ANKRD44: variants seen among roughly 807,000 people sequenced by gnomAD.
ANKRD44 encodes ankyrin repeat domain 44, also known as serine/threonine-protein phosphatase 6 regulatory ankyrin repeat subunit B.
In ANKRD44, 35 loss-of-function variants were observed where a neutral mutation model predicts 116.0. That is an observed-to-expected ratio of 0.30 (90% CI 0.23 to 0.40). ANKRD44 has a LOEUF of 0.40. Ranked by LOEUF, ANKRD44 falls within the 10% of genes least tolerant of loss-of-function variation. The pLI is 1.00. For synonymous variants in ANKRD44, 435 were observed against 461.8 expected, an observed-to-expected ratio of 0.94 and a Z score of 0.74; for missense variants, 1,014 against 1,242.6, an observed-to-expected ratio of 0.82 and a Z score of 2.77.
chr2:197,248,206 T>C (rs2082234018), intron 1 of ANKRD44, among the ~76,000 whole-genome samples: 1 of 152,190 alleles, frequency 6.6e-6, no homozygotes, highest in African/African-American at 2.4e-5. Flanking sequence ...TAAGATTAAA[T>C]TTAAATGAAT....
chr2:197,237,349 C>T (rs1156833583), intron 1 of ANKRD44, among the ~76,000 whole-genome samples: 1 of 152,238 alleles, frequency 6.6e-6, no homozygotes, highest in Non-Finnish European at 1.5e-5. Flanking sequence ...TTTCCTGCCT[C>T]TGCTGTTTTT....
At chr2:197,261,557 TAAAA>T (rs3057784) in intron 1 of ANKRD44, among the ~76,000 whole-genome samples, 14 of 150,268 alleles carry the variant, frequency 9.3e-5, no homozygotes, top group East Asian at 3.9e-4. Context: ...AATCTTTTCT[TAAAA>T]AAAAAAAATG....
At chr2:197,283,420 T>C (rs2083320550) in intron 1 of ANKRD44, among the ~76,000 whole-genome samples, 1 of 152,232 alleles carries the variant, frequency 6.6e-6, no homozygotes, top group African/African-American at 2.4e-5. Flanking sequence ...TAATACCTGC[T>C]CTACTGAAAT....
chr2:197,054,386 G>GA (rs35682810), intron 16 of ANKRD44, among the ~76,000 whole-genome samples: 1 of 151,218 alleles, frequency 6.6e-6, no homozygotes, highest in African/African-American at 2.4e-5. Context: ...CAACTTCCAA[G>GA]AAAAAAAAAA....
intron 17 of ANKRD44, among the ~76,000 whole-genome samples, chr2:197,020,817 ACT>A (rs2076482873): frequency 1.4e-5 from 2 of 140,846 alleles, no homozygotes; most frequent in African/African-American, 6.5e-5. Context: ...TTATTATTAT[ACT>A]TTAAGTTCTA....
chr2:197,035,699 A>G (rs556801226), intron 16 of ANKRD44, among the ~76,000 whole-genome samples: 111 of 152,030 alleles, frequency 7.3e-4, no homozygotes, highest in African/African-American at 2.6e-3. Context: ...TCTATGCTGA[A>G]GAATGAAAAG....
intron 25 of ANKRD44, among the ~76,000 whole-genome samples, chr2:196,997,405 T>C (rs1182738061): frequency 6.7e-6 from 1 of 149,560 alleles, no homozygotes; most frequent in Non-Finnish European, 1.5e-5. Flanking sequence ...ATCATATATA[T>C]GATATAAAAG....
At chr2:197,000,760 G>A (rs1209326308) in intron 22 of ANKRD44, among the ~76,000 whole-genome samples, 1 of 152,202 alleles carries the variant, frequency 6.6e-6, no homozygotes, top group Admixed American at 6.5e-5. Flanking sequence ...AAGTGGAATA[G>A]ACATGCTTCC....
chr2:197,123,216 AAC>A (rs1195600113), intron 6 of ANKRD44, among the ~76,000 whole-genome samples: 1 of 152,238 alleles, frequency 6.6e-6, no homozygotes, highest in Non-Finnish European at 1.5e-5. Context: ...AAGAAAAAAA[AAC>A]AATTAATGAG....
At chr2:197,053,401 AAAC>A in intron 16 of ANKRD44, among the ~76,000 whole-genome samples, 1 of 152,308 alleles carries the variant, frequency 6.6e-6, no homozygotes, top group South Asian at 2.1e-4. Flanking sequence ...TATAATCAGA[AAAC>A]AACCTGAAAT....
chr2:196,981,759 A>G (rs2075802503), downstream of ANKRD44, among the ~76,000 whole-genome samples: 1 of 152,138 alleles, frequency 6.6e-6, no homozygotes, highest in African/African-American at 2.4e-5. Flanking sequence ...AGCCTGGGCA[A>G]CAAGAGTGAA....
intron 16 of ANKRD44, among the ~76,000 whole-genome samples, chr2:197,046,329 C>T (rs997511178): frequency 2.0e-5 from 3 of 152,094 alleles, no homozygotes; most frequent in East Asian, 1.9e-4. Context: ...GATTCGTAAT[C>T]GGCAAAATCT....
rs562520880 is a variant in ANKRD44, at chr2:197,253,341, T to C, written c.27+57237A>G. 3.9e-5 allele frequency among the ~76,000 whole-genome samples: 6 copies of C among 152,338 alleles called. No homozygotes were observed. The South Asian group carries it at 1.2e-3, about 32-fold the overall frequency. On this transcript the variant is annotated intron_variant, in intron 1 of 27. Coordinates refer to ENST00000282272, the MANE Select transcript of ANKRD44 (RefSeq NM_001195144.2). ...GACATTATCTCAGTCATTAAGATTATTAGAATCTTATTCTAGGATATCAAT... is the reference window on the plus strand; with the variant it reads ...GACATTATCTCAGTCATTAAGATTACTAGAATCTTATTCTAGGATATCAAT...
intron 1 of ANKRD44, among the ~76,000 whole-genome samples, chr2:197,190,706 T>A (rs78850492): frequency 0.021 from 3,240 of 152,278 alleles, 114 homozygotes; most frequent in African/African-American, 0.069. Flanking sequence ...GCAAAGAATA[T>A]TCTAATTACA....
At chr2:197,265,852 G>T (rs1234992804) in intron 1 of ANKRD44, among the ~76,000 whole-genome samples, 1 of 151,976 alleles carries the variant, frequency 6.6e-6, no homozygotes, top group Non-Finnish European at 1.5e-5. Context: ...CAACCCTTTG[G>T]CTTTATTAGC....
chr2:197,206,251 G>C (rs964629366), intron 1 of ANKRD44, among the ~76,000 whole-genome samples: 1 of 152,178 alleles, frequency 6.6e-6, no homozygotes, highest in Non-Finnish European at 1.5e-5. Context: ...TAATATTACA[G>C]AGCCCTTCTT....
chr2:197,139,283 G>A (rs922277769), intron 3 of ANKRD44, among the ~76,000 whole-genome samples: 1 of 152,122 alleles, frequency 6.6e-6, no homozygotes, highest in African/African-American at 2.4e-5. Context: ...AGAGGAAAAT[G>A]GATAACGACG....
At chr2:196,998,167 T>C (rs2076048081) in intron 25 of ANKRD44, among the ~76,000 whole-genome samples, 170 bp downstream of exon 25, 1 of 152,240 alleles carries the variant, frequency 6.6e-6, no homozygotes, top group Admixed American at 6.5e-5. Context: ...GAATGCATTG[T>C]TGGGTCTGTC....
chr2:196,981,464 C>G (rs1271363468), intron 21 of ANKRD44, among the ~76,000 whole-genome samples: 1 of 152,150 alleles, frequency 6.6e-6, no homozygotes, highest in African/African-American at 2.4e-5. Context: ...CTCAGTAACC[C>G]TCCTCTGTTA....
Sources: gnomAD v4.1 joint callset for allele counts (sites outside exome capture counted in the v4.1 genomes callset) on GRCh38, gnomAD v4.1.1 for gene constraint, MANE v1.5 for transcripts, NCBI Gene and HGNC (gene_info 2026-07-23, HGNC 2026-07-21) for gene names.